The following GRIK4 variants were observed in gnomAD, a reference collection of about 807,000 sequenced individuals.
The protein encoded by GRIK4 is glutamate ionotropic receptor kainate type subunit 4, also known as glutamate receptor ionotropic, kainate 4.
In GRIK4, 40 loss-of-function variants were observed where a neutral mutation model predicts 104.9. The observed-to-expected ratio is 0.38, with a 90% CI of 0.30 to 0.50. The LOEUF (loss-of-function observed/expected upper bound fraction) is 0.50, where lower values mean the gene tolerates loss of function less well. Among genes scored for constraint, GRIK4 ranks in the 20% least tolerant of loss-of-function variants. GRIK4 has a pLI of 0.93. For missense variants in GRIK4, 1,047 were observed against 1,308.1 expected (o/e 0.80, Z 3.08); for synonymous variants, 485 against 524.9 (o/e 0.92, Z 1.04).
intron 8 of GRIK4, among the ~76,000 whole-genome samples, chr11:120,851,725 C>T (rs377311748): frequency 2.6e-4 from 40 of 151,382 alleles, no homozygotes; most frequent in African/African-American, 9.2e-4. Flanking sequence ...ACTGTGGGAA[C>T]CTATCTGAGA....
At chr11:120,861,838 C>T (rs1407450274) in intron 8 of GRIK4, 121 bp from the exon 9 acceptor site, 5 of 766,776 alleles carry the variant, frequency 6.5e-6, no homozygotes, top group African/African-American at 5.2e-5. Context: ...CCCTAGGTCC[C>T]AACAGAGTGT....
intron 1 of GRIK4, among the ~76,000 whole-genome samples, chr11:120,566,137 C>T (rs1948319666): frequency 6.6e-6 from 1 of 152,210 alleles, no homozygotes; most frequent in Non-Finnish European, 1.5e-5. Flanking sequence ...TTACCCTAGG[C>T]CTCAGATTTT....
chr11:120,709,787 T>A (rs1015178567), intron 3 of GRIK4, among the ~76,000 whole-genome samples: 3 of 152,070 alleles, frequency 2.0e-5, no homozygotes, highest in African/African-American at 7.2e-5. Flanking sequence ...AGAGTCCCAG[T>A]TTTTCTGAAC....
intron 3 of GRIK4, among the ~76,000 whole-genome samples, chr11:120,734,741 C>T (rs916301470): frequency 3.3e-5 from 5 of 152,056 alleles, no homozygotes; most frequent in Admixed American, 2.0e-4. Flanking sequence ...TCTCCTCTGT[C>T]TGTGTATTTT....
chr11:120,847,755 A>G (rs1449826753), intron 8 of GRIK4, among the ~76,000 whole-genome samples: 1 of 152,248 alleles, frequency 6.6e-6, no homozygotes, highest in Non-Finnish European at 1.5e-5. Flanking sequence ...GGAAGAGGAA[A>G]GGCATATTCC....
chr11:120,738,388 T>C (rs1463744882), intron 3 of GRIK4, among the ~76,000 whole-genome samples: 1 of 152,174 alleles, frequency 6.6e-6, no homozygotes, highest in Non-Finnish European at 1.5e-5. Context: ...CCTTGAGTGA[T>C]GCAAAGGAGA....
chr11:120,731,958 G>A (rs1047652177), intron 3 of GRIK4, among the ~76,000 whole-genome samples: 7 of 151,598 alleles, frequency 4.6e-5, no homozygotes, highest in South Asian at 2.1e-4. Context: ...TTCCTAGTCC[G>A]GCTAAAGGTT....
intron 6 of GRIK4, among the ~76,000 whole-genome samples, chr11:120,821,844 A>G (rs1953134339): frequency 6.6e-6 from 1 of 152,214 alleles, no homozygotes; most frequent in Non-Finnish European, 1.5e-5. Context: ...TAAGAGAGCA[A>G]CACGCAGCCT....
chr11:120,667,448 C>T (rs1274623424), intron 3 of GRIK4, among the ~76,000 whole-genome samples: 1 of 152,254 alleles, frequency 6.6e-6, no homozygotes, highest in African/African-American at 2.4e-5. Context: ...CGAGTGCCTG[C>T]GTGGGCGGGA....
chr11:120,954,769 C>T (rs1214475085), intron 15 of GRIK4, among the ~76,000 whole-genome samples: 1 of 146,046 alleles, frequency 6.8e-6, no homozygotes, highest in East Asian at 2.0e-4. Context: ...ACCATACGGC[C>T]TCTCTCTCTC....
chr11:120,971,703 G>T (rs539906882), intron 19 of GRIK4, among the ~76,000 whole-genome samples: 2 of 152,190 alleles, frequency 1.3e-5, no homozygotes, highest in African/African-American at 4.8e-5. Flanking sequence ...GAGAATGTCT[G>T]GAAGCCCGGA....
At chr11:120,889,778 G>GTA (rs1955229919) in intron 11 of GRIK4, among the ~76,000 whole-genome samples, 1 of 151,574 alleles carries the variant, frequency 6.6e-6, no homozygotes, top group Non-Finnish European at 1.5e-5. Context: ...TTAATTTTCT[G>GTA]TTTTTAGTAG....
At chr11:120,961,649 G>C (rs1044207614) in intron 17 of GRIK4, among the ~76,000 whole-genome samples, 2 of 152,172 alleles carry the variant, frequency 1.3e-5, no homozygotes, top group Admixed American at 1.3e-4. Flanking sequence ...AGAAAGCCCT[G>C]CCACAGCGAT....
intron 6 of GRIK4, among the ~76,000 whole-genome samples, chr11:120,822,055 G>T (rs1591957131): frequency 6.6e-6 from 1 of 151,748 alleles, no homozygotes; most frequent in East Asian, 1.9e-4. Context: ...TACTGAATAT[G>T]TAAAAATTAG....
chr11:120,930,240 G>A (rs538971536), intron 13 of GRIK4, among the ~76,000 whole-genome samples: 2 of 152,286 alleles, frequency 1.3e-5, no homozygotes, highest in Admixed American at 1.3e-4. Flanking sequence ...TCCAAAACAG[G>A]GCTAATGGCA....
intron 12 of GRIK4, among the ~76,000 whole-genome samples, chr11:120,900,966 G>A (rs146598617): frequency 1.1e-3 from 163 of 152,194 alleles, no homozygotes; most frequent in African/African-American, 3.5e-3. Context: ...CCTCCTTCCC[G>A]CTGTCTTCTT....
intron 3 of GRIK4, among the ~76,000 whole-genome samples, chr11:120,724,655 G>A (rs1210507250): frequency 6.6e-6 from 1 of 152,134 alleles, no homozygotes; most frequent in Non-Finnish European, 1.5e-5. Context: ...TGACAAACCT[G>A]TTTATAAATG....
intron 3 of GRIK4, among the ~76,000 whole-genome samples, chr11:120,704,306 C>T (rs1447401120): frequency 6.6e-6 from 1 of 152,200 alleles, no homozygotes; most frequent in Non-Finnish European, 1.5e-5. Flanking sequence ...TGTTGTCCTC[C>T]ATAGCACTCA....
intron 1 of GRIK4, among the ~76,000 whole-genome samples, chr11:120,615,325 C>T (rs889782772): frequency 1.4e-4 from 22 of 152,184 alleles, no homozygotes; most frequent in Admixed American, 7.2e-4. Context: ...AAGCATTGAG[C>T]GGGTTGGGTG....
Sources: gnomAD v4.1 joint callset for allele counts (sites outside exome capture counted in the v4.1 genomes callset) on GRCh38, gnomAD v4.1.1 for gene constraint, MANE v1.5 for transcripts, NCBI Gene and HGNC (gene_info 2026-07-23, HGNC 2026-07-21) for gene names.